Variants in FER observed in about 807,000 individuals in gnomAD.
FER encodes tyrosine-protein kinase Fer.
In FER, 63 loss-of-function variants were observed where a neutral mutation model predicts 111.0. That is an observed-to-expected ratio of 0.57 (90% CI 0.46 to 0.70). The LOEUF (loss-of-function observed/expected upper bound fraction) is 0.70. FER is among the 30% of genes least tolerant of loss of function. The probability of loss-of-function intolerance (pLI) is 0.00; values close to 1 mark genes in which losing one functional copy is unlikely to be tolerated. For synonymous variants in FER, 327 were observed against 313.9 expected (o/e 1.04, Z -0.44); for missense variants, 914 against 954.0 (o/e 0.96, Z 0.55).
At chr5:108,914,496 T>C (rs1384891137) in intron 10 of FER, among the ~76,000 whole-genome samples, 1 of 152,222 alleles carries the variant, frequency 6.6e-6, no homozygotes, top group East Asian at 1.9e-4. Context: ...TCAGATCTCT[T>C]GTGGTTGAAA....
At chr5:108,791,579 T>A (rs1401821224) in intron 2 of FER, among the ~76,000 whole-genome samples, 2 of 149,342 alleles carry the variant, frequency 1.3e-5, no homozygotes, top group Non-Finnish European at 3.0e-5. Flanking sequence ...ATATATGATA[T>A]ATATATATAC....
At chr5:109,036,891 G>A (rs1770484227) in intron 13 of FER, among the ~76,000 whole-genome samples, 1 of 151,938 alleles carries the variant, frequency 6.6e-6, no homozygotes, top group Admixed American at 6.6e-5. Context: ...ATTGGTGTTT[G>A]TTGCTTTATT....
At chr5:108,985,831 C>T (rs1429481093) in intron 13 of FER, among the ~76,000 whole-genome samples, 1 of 152,142 alleles carries the variant, frequency 6.6e-6, no homozygotes, top group Non-Finnish European at 1.5e-5. Flanking sequence ...TTTATCCACT[C>T]ATTGATTGAT....
At chr5:109,038,586 A>G (rs1257829508) in intron 14 of FER, among the ~76,000 whole-genome samples, 2 of 151,972 alleles carry the variant, frequency 1.3e-5, no homozygotes, top group Non-Finnish European at 2.9e-5. Context: ...TGGCATATTT[A>G]GTAAGTGAAT....
intron 2 of FER, among the ~76,000 whole-genome samples, chr5:108,779,761 C>A (rs547221127): frequency 6.6e-6 from 1 of 152,026 alleles, no homozygotes; most frequent in Non-Finnish European, 1.5e-5. Flanking sequence ...TTATTTTTTC[C>A]GATCAGTACA....
chr5:109,153,926 G>A (rs1755106384), intron 17 of FER, among the ~76,000 whole-genome samples: 1 of 151,862 alleles, frequency 6.6e-6, no homozygotes, highest in Non-Finnish European at 1.5e-5. Context: ...ATTATAGACA[G>A]TTTGCCTGGA....
intron 13 of FER, among the ~76,000 whole-genome samples, chr5:109,025,054 G>A (rs1768499529): frequency 6.6e-6 from 1 of 152,122 alleles, no homozygotes; most frequent in African/African-American, 2.4e-5. Flanking sequence ...CAGGTAGCGT[G>A]ATGCCTCCAG....
At chr5:109,150,013 C>T (rs569575646) in intron 17 of FER, among the ~76,000 whole-genome samples, 16 of 152,054 alleles carry the variant, frequency 1.1e-4, no homozygotes, top group Non-Finnish European at 1.9e-4. Context: ...ATCTAGGTTG[C>T]GCACTCCTTA....
intron 17 of FER, among the ~76,000 whole-genome samples, chr5:109,125,546 A>G (rs981203377): frequency 7.2e-5 from 11 of 152,192 alleles, no homozygotes; most frequent in African/African-American, 2.4e-4. Context: ...CTCACATATA[A>G]CACAGTCTAT....
chr5:109,183,248 G>GTTTTTTT lies in FER; in HGVS notation c.2203+2359_2203+2365dup, dbSNP rs10682212. On this transcript the variant is annotated intron_variant, in intron 18 of 19. Coordinates refer to ENST00000281092, the MANE Select transcript of FER (RefSeq NM_005246.4). ...GAAGATTGACTCTAAATCCTAGCGT[G>GTTTTTTT]TTTTTTTTTTTTTTTTTTGAGATGG... Among the ~76,000 whole-genome samples the GTTTTTTT allele has an allele frequency of 8.7e-4, 101 of 115,644 alleles. 8 individuals carry two copies. Among genetic ancestry groups the GTTTTTTT allele is most frequent in the Non-Finnish European group, 1.2e-3 (68 of 58,318 alleles). 75.9% of individuals were successfully genotyped at this position (115,644 alleles called of 152,430 possible).
In FER at chr5:108,956,707, C is replaced by G. The variant is rs56390915; in HGVS notation, c.1533+1775C>G. Among the ~76,000 whole-genome samples, 893 of 151,564 alleles carry G rather than the reference C, an allele frequency of 5.9e-3. 10 individuals are homozygous for G. The highest frequency in any genetic ancestry group is 0.02 in the African/African-American group (834 of 41,480). On this transcript the variant is annotated intron_variant, in intron 12 of 19. Transcript: ENST00000281092. ...AGGTTTTCTGCTGCCTAATTTTATTCTAGTGAGTTTTTGCTGTATAGTGTT... is the reference window on the plus strand; with the variant it reads ...AGGTTTTCTGCTGCCTAATTTTATTGTAGTGAGTTTTTGCTGTATAGTGTT...
chr5:109,147,249 G>T (rs759957571), intron 17 of FER, among the ~76,000 whole-genome samples: 22 of 151,974 alleles, frequency 1.4e-4, no homozygotes, highest in Non-Finnish European at 2.5e-4. Flanking sequence ...CTTGTGTACT[G>T]CAAATTGGCA....
In FER at chr5:109,194,452, ATTT is replaced by A. The variant is rs1759595827; in HGVS notation, c.*6879_*6881del. The A allele has an allele frequency of 6.6e-6, 1 of 152,138 alleles. No individual in the cohort carries two copies. The highest frequency in any genetic ancestry group is 1.5e-5 in the Non-Finnish European group (1 of 68,026). 9.4% of individuals were successfully genotyped at this position (152,138 alleles called of 1,614,324 possible). ...TCCTGAAAAGCCAAACACCACACCT[ATTT>A]TCCTATTTGCTAAGAATCAGAATAA... On this transcript the variant is annotated 3_prime_UTR_variant, in exon 20 of 20. Coordinates refer to ENST00000281092, the MANE Select transcript of FER (RefSeq NM_005246.4).
intron 16 of FER, among the ~76,000 whole-genome samples, chr5:109,049,377 A>G (rs1772433860): frequency 6.6e-6 from 1 of 152,182 alleles, no homozygotes; most frequent in African/African-American, 2.4e-5. Flanking sequence ...TGTCCCTTGC[A>G]GCTATATGTC....
intron 5 of FER, among the ~76,000 whole-genome samples, chr5:108,844,113 T>C (rs1761610406): frequency 6.6e-6 from 1 of 151,980 alleles, no homozygotes. Flanking sequence ...TGAACATGTG[T>C]GTGAACACAT....
intron 17 of FER, among the ~76,000 whole-genome samples, chr5:109,124,044 G>T (rs747854486): frequency 1.3e-5 from 2 of 151,864 alleles, no homozygotes; most frequent in African/African-American, 2.4e-5. Context: ...GAGCAACATG[G>T]CAAAACCTGA....
chr5:109,112,530 TGA>T (rs1381712213), intron 17 of FER, among the ~76,000 whole-genome samples: 1 of 152,170 alleles, frequency 6.6e-6, no homozygotes, highest in Admixed American at 6.6e-5. Flanking sequence ...AAGCAGGCTC[TGA>T]GAGAGATCAC....
At chr5:108,780,893 T>G (rs1169581657) in intron 2 of FER, among the ~76,000 whole-genome samples, 1 of 151,550 alleles carries the variant, frequency 6.6e-6, no homozygotes, top group Non-Finnish European at 1.5e-5. Flanking sequence ...TTAGATATTC[T>G]TTCCTCAGCT....
At chr5:108,952,518 CA>C (rs1276261362) in intron 11 of FER, among the ~76,000 whole-genome samples, 2 of 149,434 alleles carry the variant, frequency 1.3e-5, no homozygotes, top group Non-Finnish European at 3.0e-5. Context: ...ACAGTAAGTT[CA>C]GCTTATATTT....
Sources: allele counts gnomAD v4.1 joint callset (sites outside exome capture counted in the v4.1 genomes callset), GRCh38; gene constraint gnomAD v4.1.1; transcripts MANE v1.5; gene names NCBI Gene and HGNC (gene_info 2026-07-23, HGNC 2026-07-21).